The following ABLIM2 variants were observed in gnomAD, a reference collection of about 807,000 sequenced individuals.
ABLIM2 encodes actin-binding LIM protein 2.
ABLIM2 carries 53 observed loss-of-function variants against 97.7 expected under a neutral mutation model. The ratio of observed to expected loss-of-function variants is 0.54; its 90% CI spans 0.44 to 0.68. The LOEUF (loss-of-function observed/expected upper bound fraction) is 0.68. Among genes scored for constraint, ABLIM2 ranks in the 30% least tolerant of loss-of-function variants. The pLI, the probability that ABLIM2 is intolerant of heterozygous loss-of-function variation, is 0.00. For synonymous variants in ABLIM2, 361 were observed against 345.8 expected, an observed-to-expected ratio of 1.04 and a Z score of -0.49; for missense variants, 835 against 867.2, an observed-to-expected ratio of 0.96 and a Z score of 0.47.
chr4:8,015,803 G>C lies in ABLIM2; in HGVS notation c.1423+3815C>G, dbSNP rs1768627936. Among the ~76,000 whole-genome samples, 1 of 152,136 alleles carries C rather than the reference G, an allele frequency of 6.6e-6. No homozygotes were observed. Among genetic ancestry groups the C allele is most frequent in the African/African-American group, 2.4e-5 (1 of 41,422 alleles). ...ACTATGAGGACTGTCCCTGCATCTG[G>C]AGAGTCGAACTTACTGGGAAATGTT... On this transcript the variant is annotated intron_variant, in intron 14 of 20. Transcript: ENST00000447017. The surrounding 1 kb of genome is among the most constrained non-coding windows in gnomAD (Gnocchi z 4.6).
At position 8,005,233 on chromosome 4, in the gene ABLIM2, C is replaced by T. The variant is rs1409768885; in HGVS notation, c.1618+2826G>A. 7 of 496,170 alleles carry T rather than the reference C, an allele frequency of 1.4e-5. No homozygotes were observed. The highest frequency in any genetic ancestry group is 7.9e-5 in the Admixed American group (4 of 50,356). The allele number at this position is 496,170 out of a possible 1,614,324, so 30.7% of individuals were successfully genotyped here. A position where few individuals can be genotyped will look rare whatever the true frequency, so the allele number is the denominator to read the frequency against. On this transcript the variant is annotated intron_variant, in intron 16 of 20. Transcript: ENST00000447017. The surrounding 1 kb of genome is among the most constrained non-coding windows in gnomAD (Gnocchi z 4.9). ...CGTCTCTGCCTCTCTCAGCTCCCTG[C>T]ACGCTTCTCCAGGTCAGGGGCTGCT...
chr4:8,056,059 G>A (rs1798850009), intron 7 of ABLIM2, among the ~76,000 whole-genome samples: 1 of 131,820 alleles, frequency 7.6e-6, no homozygotes, highest in South Asian at 2.5e-4. Flanking sequence ...GTTGCAGTGA[G>A]CTGAGATTGC....
rs552413633 is a variant in ABLIM2 at position 8,077,619 on chromosome 4, C to T, written c.675+9G>A. 20 of 1,601,082 alleles carry T rather than the reference C, an allele frequency of 1.2e-5. No homozygotes were observed. The highest frequency in any genetic ancestry group is 4.0e-5 in the African/African-American group (3 of 74,810). On this transcript the variant is annotated intron_variant, in intron 6 of 20. Coordinates refer to ENST00000447017, the MANE Select transcript of ABLIM2 (RefSeq NM_001130083.2). Reference sequence around the variant, plus strand: ...CAGAGCGGGCAGGGGCCCGGCCCGCCGCGCTTACCTCCAGCACGCGCCCCG... The same window carrying T: ...CAGAGCGGGCAGGGGCCCGGCCCGCTGCGCTTACCTCCAGCACGCGCCCCG...
At chr4:7,983,221 C>T (rs754295363) in intron 20 of ABLIM2, 43 bp downstream of exon 20, 60 of 1,568,422 alleles carry the variant, frequency 3.8e-5, no homozygotes, top group Middle Eastern at 1.7e-4. Context: ...CGGGGACTCT[C>T]GCATGGGAAA....
chr4:8,088,379 C>T, intron 3 of ABLIM2, 95 bp from the exon 4 acceptor site: 5 of 940,294 alleles, frequency 5.3e-6, no homozygotes, highest in Non-Finnish European at 8.2e-6. Context: ...CCAATGTCTC[C>T]CCAGGATCTT....
chr4:8,156,295 T>G (rs887494646), intron 1 of ABLIM2, among the ~76,000 whole-genome samples: 4 of 151,964 alleles, frequency 2.6e-5, no homozygotes, highest in African/African-American at 9.7e-5. Context: ...CCACACTGAT[T>G]GTCACTTGCT....
At chr4:7,993,953 C>T (rs989163940) in intron 16 of ABLIM2, 1 of 513,134 alleles carries the variant, frequency 1.9e-6, no homozygotes, top group Non-Finnish European at 3.9e-6. Context: ...TTCAATACCA[C>T]GTGATGGGAG....
rs984855536 is a variant in ABLIM2, at chr4:8,061,046, C to G, written c.684G>C (p.Glu228Asp). 9 of 1,589,368 alleles carry G rather than the reference C, an allele frequency of 5.7e-6. No individual in the cohort carries two copies. The highest frequency in any genetic ancestry group is 7.7e-6 in the Non-Finnish European group (9 of 1,167,606). Residue 228 changes from glutamate to aspartate, a missense_variant, in exon 7 of 21, where the codon GAG becomes GAC. Glu to Asp is a conservative substitution (Grantham distance 45). Transcript: ENST00000447017. The surrounding 1 kb of genome is among the most constrained non-coding windows in gnomAD (Gnocchi z 4.5). ...GCGCGCAGGAAGGGTGGTAGTGCTT[C>G]TCTCCGGCCTGTAAGAAAAGCACAA... The part of the protein sequence containing the change: ...YITGRVLEAG[E>D]KHYHPSCALC...
intron 20 of ABLIM2, among the ~76,000 whole-genome samples, chr4:7,976,702 C>A (rs1226940245): frequency 6.6e-6 from 1 of 152,068 alleles, no homozygotes. Context: ...CACACATGCA[C>A]ACACACGTAT....
intron 1 of ABLIM2, among the ~76,000 whole-genome samples, chr4:8,109,822 C>T (rs568949079): frequency 5.9e-5 from 9 of 152,314 alleles, no homozygotes; most frequent in East Asian, 3.9e-4. Flanking sequence ...GCAAACTGGA[C>T]GGGGCACAGC....
intron 8 of ABLIM2, among the ~76,000 whole-genome samples, chr4:8,049,023 G>C (rs1197803474): frequency 6.6e-6 from 1 of 152,188 alleles, no homozygotes. Context: ...GCCAGAACCA[G>C]ACTGGACCAT....
At chr4:8,041,894 ACT>A (rs1788863804) in intron 9 of ABLIM2, among the ~76,000 whole-genome samples, 1 of 142,474 alleles carries the variant, frequency 7.0e-6, no homozygotes, top group Admixed American at 6.9e-5. Flanking sequence ...ACACAGTGAG[ACT>A]CCACTTCAAA....
chr4:8,076,999 G>A (rs946022494), intron 6 of ABLIM2, among the ~76,000 whole-genome samples: 1 of 149,230 alleles, frequency 6.7e-6, no homozygotes, highest in Non-Finnish European at 1.5e-5. Context: ...AGGGTGGGCT[G>A]CAGGATGGGG....
chr4:8,031,577 G>C (rs189379095), intron 10 of ABLIM2, among the ~76,000 whole-genome samples: 1 of 152,158 alleles, frequency 6.6e-6, no homozygotes, highest in Admixed American at 6.5e-5. Flanking sequence ...GCTCTGAGCC[G>C]ACCGCTGGGC....
chr4:8,119,147 G>C (rs547169155), intron 1 of ABLIM2, among the ~76,000 whole-genome samples: 7 of 152,174 alleles, frequency 4.6e-5, no homozygotes, highest in African/African-American at 1.7e-4. Flanking sequence ...GGACACTTTT[G>C]TCCTGGCACG....
At position 8,021,177 on chromosome 4, in the gene ABLIM2, T is replaced by C. The variant is rs1773459665; in HGVS notation, c.1268-874A>G. 6.6e-6 allele frequency among the ~76,000 whole-genome samples: 1 copy of C among 152,136 alleles called. No homozygotes were observed. Among genetic ancestry groups the C allele is most frequent in the South Asian group, 2.1e-4 (1 of 4,826 alleles). ...TGGCCACATTCTTAAATACAACTGC[T>C]TTTTGGCAAATTAAATGGAAAGCAT... On this transcript the variant is annotated intron_variant, in intron 12 of 20. Coordinates refer to ENST00000447017, the MANE Select transcript of ABLIM2 (RefSeq NM_001130083.2). The surrounding 1 kb of genome is among the most constrained non-coding windows in gnomAD (Gnocchi z 5.5).
At chr4:8,039,629 A>G (rs1786807695) in intron 9 of ABLIM2, among the ~76,000 whole-genome samples, 1 of 152,204 alleles carries the variant, frequency 6.6e-6, no homozygotes, top group Non-Finnish European at 1.5e-5. Flanking sequence ...ATGGCCACTT[A>G]CAACAGTATC....
Position 8,124,154 on chromosome 4 carries a change from T to G in ABLIM2, c.11-17517A>C, listed in dbSNP as rs113721030. On this transcript the variant is annotated intron_variant, in intron 1 of 20. Transcript: ENST00000447017. The surrounding 1 kb of genome is among the most constrained non-coding windows in gnomAD (Gnocchi z 6.1). ...CTAGAATAATTCATCTATCTTCTCA[T>G]AAGGCAGCACCTCGATGTGCTTTCA... is the stretch of plus-strand genomic sequence containing the variant. Among the ~76,000 whole-genome samples the G allele has an allele frequency of 2.1e-3, 316 of 152,300 alleles. 2 individuals carry two copies. Among genetic ancestry groups the G allele is most frequent in the Middle Eastern group, 0.017 (5 of 294 alleles).
At chr4:7,977,320 T>C (rs1734288550) in intron 20 of ABLIM2, among the ~76,000 whole-genome samples, 1 of 151,880 alleles carries the variant, frequency 6.6e-6, no homozygotes, top group Non-Finnish European at 1.5e-5. Context: ...ATACCCAGTC[T>C]CGGGTATTTC....
Sources: gnomAD v4.1 joint callset for allele counts (sites outside exome capture counted in the v4.1 genomes callset) on GRCh38, gnomAD v4.1.1 for gene constraint, Gnocchi (gnomAD v3.1) non-coding constraint, MANE v1.5 for transcripts, NCBI Gene and HGNC (gene_info 2026-07-23, HGNC 2026-07-21) for gene names.